Variants in EXOC6 observed in about 807,000 individuals in gnomAD.
The protein encoded by EXOC6 is exocyst complex component 6.
Under a neutral mutation model 112.5 loss-of-function variants are expected in EXOC6, and 60 were observed. The observed-to-expected ratio is 0.53, with a 90% CI of 0.43 to 0.66. The LOEUF is 0.66. Ranked by LOEUF, EXOC6 falls within the 30% of genes least tolerant of loss-of-function variation. The pLI is 0.00. For missense variants in EXOC6, 855 were observed against 957.1 expected (o/e 0.89, Z 1.41); for synonymous variants, 295 against 308.0 (o/e 0.96, Z 0.44).
chr10:92,901,399 A>T (rs1001915355), intron 5 of EXOC6: 1 of 151,862 alleles, frequency 6.6e-6, no homozygotes, highest in Non-Finnish European at 1.5e-5. Flanking sequence ...AGAGCTTTTT[A>T]TTCCCCACCA....
chr10:92,852,584 G>A (rs2133635232), intron 1 of EXOC6, among the ~76,000 whole-genome samples: 1 of 152,248 alleles, frequency 6.6e-6, no homozygotes, highest in East Asian at 1.9e-4. Context: ...AATACATCAT[G>A]ATCAAGTGAG....
In EXOC6 at chr10:93,053,037, A is replaced by T. The variant is rs536878361; in HGVS notation, c.2170-3887A>T. On this transcript the variant is annotated intron_variant, in intron 20 of 21. Coordinates refer to ENST00000260762, the MANE Select transcript of EXOC6 (RefSeq NM_019053.6). ...AGAGAAGTGAGATTTTTCATAATGT[A>T]GATCTTAATATTAAGAACATAGTGC... Among the ~76,000 whole-genome samples the T allele has an allele frequency of 2.6e-5, 4 of 152,326 alleles. No homozygotes were observed. The South Asian group carries it at 6.2e-4, about 24-fold the overall frequency.
At chr10:93,015,311 T>C (rs1844449007) in intron 20 of EXOC6, among the ~76,000 whole-genome samples, 2 of 152,244 alleles carry the variant, frequency 1.3e-5, no homozygotes, top group African/African-American at 2.4e-5. Flanking sequence ...TAAATACTTA[T>C]TGTCTATTAT....
chr10:93,041,957 C>G (rs545845313), intron 20 of EXOC6, among the ~76,000 whole-genome samples: 1 of 152,270 alleles, frequency 6.6e-6, no homozygotes, highest in Admixed American at 6.5e-5. Context: ...GTGATCCACA[C>G]CCCTCAGCCT....
intron 18 of EXOC6, among the ~76,000 whole-genome samples, chr10:92,983,429 C>G (rs530306283): frequency 5.3e-5 from 8 of 151,706 alleles, no homozygotes; most frequent in Non-Finnish European, 1.0e-4. Context: ...AAGTAGCAAC[C>G]TTTCCCTTCC....
At chr10:92,944,234 T>A (rs1012471968) in intron 13 of EXOC6, among the ~76,000 whole-genome samples, 33 of 149,412 alleles carry the variant, frequency 2.2e-4, no homozygotes, top group Admixed American at 1.4e-3. Context: ...CTTTTTTTTT[T>A]AATTTTTATT....
chr10:93,009,122 G>A (rs1844127049), intron 19 of EXOC6, among the ~76,000 whole-genome samples: 1 of 152,160 alleles, frequency 6.6e-6, no homozygotes, highest in Non-Finnish European at 1.5e-5. Flanking sequence ...GCTGAGAGGG[G>A]AGGATTGCTT....
intron 18 of EXOC6, among the ~76,000 whole-genome samples, chr10:92,975,770 C>G (rs1213662012): frequency 1.6e-5 from 2 of 122,982 alleles, no homozygotes; most frequent in Non-Finnish European, 3.5e-5. Flanking sequence ...CCGGGCCAGC[C>G]GCCCCATCCG....
intron 18 of EXOC6, among the ~76,000 whole-genome samples, chr10:92,996,041 C>G (rs1843467829): frequency 6.6e-6 from 1 of 152,128 alleles, no homozygotes; most frequent in Admixed American, 6.6e-5. Flanking sequence ...TATATTGTAA[C>G]ATTTCTGTTT....
chr10:92,954,735 G>T lies in EXOC6; in HGVS notation c.1632G>T (p.Leu544Phe). Residue 544 changes from leucine to phenylalanine, a missense_variant, in exon 16 of 22, where the codon TTG becomes TTT. Physicochemically the swap from Leu to Phe is conservative, Grantham distance 22. This residue lies in a region of EXOC6 where 450 missense variants were observed against 563.5 expected (regional missense o/e 0.80). Transcript: ENST00000260762. ...TTATTAGAAAACCTCATATAGGTTTGACAGAGGTAGGTTAAAAAGACACAT... is the reference window on the plus strand; with the variant it reads ...TTATTAGAAAACCTCATATAGGTTTTACAGAGGTAGGTTAAAAAGACACAT... ...LNLIRKPHIG[L>F]TELVQIIINT... 1.4e-6 allele frequency: 2 copies of T among 1,465,094 alleles called. No individual in the cohort carries two copies. The highest frequency in any genetic ancestry group is 2.3e-5 in the South Asian group (2 of 85,380). 90.8% of individuals were successfully genotyped at this position (1,465,094 alleles called of 1,614,324 possible). A position where few individuals can be genotyped will look rare whatever the true frequency, so the allele number is the denominator to read the frequency against.
chr10:92,920,775 A>C (rs1049608576), intron 8 of EXOC6, among the ~76,000 whole-genome samples: 3 of 152,272 alleles, frequency 2.0e-5, no homozygotes, highest in South Asian at 2.1e-4. Flanking sequence ...CCTTGTTGGC[A>C]GGTGAATATA....
chr10:92,864,318 G>A (rs889719291), intron 1 of EXOC6, among the ~76,000 whole-genome samples: 35 of 152,168 alleles, frequency 2.3e-4, no homozygotes, highest in Admixed American at 2.0e-3. Flanking sequence ...TTCAGACTCA[G>A]GTATTATAAA....
chr10:92,922,504 A>ATGCTTT (rs941091128), intron 8 of EXOC6, among the ~76,000 whole-genome samples: 3 of 152,220 alleles, frequency 2.0e-5, no homozygotes, highest in Non-Finnish European at 4.4e-5. Context: ...ATTAATATGT[A>ATGCTTT]TGCTTTCAAG....
chr10:92,967,838 C>G (rs901275621), intron 17 of EXOC6, among the ~76,000 whole-genome samples: 11 of 152,162 alleles, frequency 7.2e-5, no homozygotes, highest in African/African-American at 1.9e-4. Flanking sequence ...GTTTAGGGTT[C>G]TCTTATCCAG....
rs142096041 is a variant in EXOC6 at position 92,928,801 on chromosome 10, C to T, written c.972+379C>T. On this transcript the variant is annotated intron_variant, in intron 9 of 21. Coordinates refer to ENST00000260762, the MANE Select transcript of EXOC6 (RefSeq NM_019053.6). ...CATTTAAAACAAACAAACAAAAAGA[C>T]AAGAAACTAAGTGAATAAGGAACTG... is the stretch of plus-strand genomic sequence containing the variant. Among the ~76,000 whole-genome samples, 85 of 152,162 alleles carry T rather than the reference C, an allele frequency of 5.6e-4. 1 individual carries two copies. The East Asian group carries it at 0.015, about 27-fold the overall frequency.
intron 8 of EXOC6, among the ~76,000 whole-genome samples, chr10:92,922,753 T>A (rs1166419465): frequency 6.6e-6 from 1 of 152,232 alleles, no homozygotes; most frequent in Non-Finnish European, 1.5e-5. Flanking sequence ...TAGCTGGCTG[T>A]ATCCTAAACT....
chr10:92,966,450 A>C (rs1842062192), intron 17 of EXOC6, among the ~76,000 whole-genome samples: 1 of 79,166 alleles, frequency 1.3e-5, no homozygotes, highest in African/African-American at 5.1e-5. Flanking sequence ...CCCCCACCCC[A>C]CATCAGTCCC....
In EXOC6 at chr10:92,915,860, A is replaced by T; in HGVS notation, c.766A>T (p.Asn256Tyr). The T allele has an allele frequency of 6.4e-7, 1 of 1,555,876 alleles. No homozygotes were observed. Among genetic ancestry groups the T allele is most frequent in the East Asian group, 2.4e-5 (1 of 41,196 alleles). Residue 256 changes from asparagine (N) to tyrosine (Y), a missense_variant, in exon 7 of 22, where the codon AAT becomes TAT. Physicochemically the swap from Asn to Tyr is moderately radical, Grantham distance 143 (BLOSUM62 -2). This residue lies in a region of EXOC6 where 405 missense variants were observed against 393.6 expected (regional missense o/e 1.03). Transcript: ENST00000260762. ...TCGTGATAGAATTCCAGAGGAAAGG[A>T]ATGAAACTGTATTGAAACATTCACT... ...INRDRIPEERNETVLKHSLEE... is the reference protein window; with the variant it reads ...INRDRIPEERYETVLKHSLEE...
At chr10:92,887,230 TTC>T (rs1315229836) in intron 1 of EXOC6, among the ~76,000 whole-genome samples, 2 of 152,178 alleles carry the variant, frequency 1.3e-5, no homozygotes, top group African/African-American at 4.8e-5. Context: ...CATTCCAGTG[TTC>T]TGATACATGT....
Sources: gnomAD v4.1 joint callset for allele counts (sites outside exome capture counted in the v4.1 genomes callset) on GRCh38, gnomAD v4.1.1 for gene constraint, gnomAD v4.1.1 regional missense constraint, MANE v1.5 for transcripts, NCBI Gene and HGNC (gene_info 2026-07-23, HGNC 2026-07-21) for gene names.